SIPA1L3: variants seen among roughly 807,000 people sequenced by gnomAD.
The protein encoded by SIPA1L3 is signal induced proliferation associated 1 like 3.
A neutral mutation model predicts 150.1 loss-of-function variants in SIPA1L3; 59 were observed. That is an observed-to-expected ratio of 0.39 (90% CI 0.32 to 0.49). SIPA1L3 has a LOEUF of 0.49. Among genes scored for constraint, SIPA1L3 ranks in the 20% least tolerant of loss-of-function variants. The probability of loss-of-function intolerance (pLI) is 0.86; values close to 1 mark genes in which losing one functional copy is unlikely to be tolerated. For missense variants in SIPA1L3, 2,211 were observed against 2,489.5 expected (o/e 0.89, Z 2.38); for synonymous variants, 1,070 against 1,077.6 (o/e 0.99, Z 0.14).
intron 1 of SIPA1L3, among the ~76,000 whole-genome samples, chr19:37,983,938 A>G (rs1967270265): frequency 6.6e-6 from 1 of 151,062 alleles, no homozygotes; most frequent in Non-Finnish European, 1.5e-5. Context: ...ATTGCTCAGC[A>G]CTGATGAGGA....
At chr19:38,017,597 T>G (rs2145694010) in intron 1 of SIPA1L3, among the ~76,000 whole-genome samples, 1 of 151,708 alleles carries the variant, frequency 6.6e-6, no homozygotes, top group African/African-American at 2.4e-5. Flanking sequence ...TCATCATAGC[T>G]TACTGCAGTC....
chr19:37,939,926 C>T (rs1415286595), intron 1 of SIPA1L3, among the ~76,000 whole-genome samples: 1 of 152,130 alleles, frequency 6.6e-6, no homozygotes, highest in Admixed American at 6.6e-5. Context: ...TGATGCCCTC[C>T]CCACTTTTGG....
chr19:38,125,737 C>G (rs1242469947), intron 9 of SIPA1L3, among the ~76,000 whole-genome samples: 1 of 152,236 alleles, frequency 6.6e-6, no homozygotes, highest in Non-Finnish European at 1.5e-5. Flanking sequence ...CCCAGACATC[C>G]TGAACTAACG....
At chr19:38,112,197 AC>A (rs1970778764) in intron 8 of SIPA1L3, among the ~76,000 whole-genome samples, 1 of 151,148 alleles carries the variant, frequency 6.6e-6, no homozygotes, top group South Asian at 2.1e-4. Context: ...ATGCACTCAC[AC>A]AGGCACGCAT....
At chr19:37,945,880 C>T (rs375568511) in intron 1 of SIPA1L3, among the ~76,000 whole-genome samples, 4 of 151,756 alleles carry the variant, frequency 2.6e-5, no homozygotes, top group Non-Finnish European at 4.4e-5. Context: ...TGTGGCTGGG[C>T]GTGGTGGCTC....
intron 1 of SIPA1L3, among the ~76,000 whole-genome samples, chr19:37,921,291 C>T (rs1464199729): frequency 6.6e-6 from 1 of 152,188 alleles, no homozygotes; most frequent in Non-Finnish European, 1.5e-5. Context: ...GGAACAACAG[C>T]ACATGAGTAT....
intron 6 of SIPA1L3, among the ~76,000 whole-genome samples, chr19:38,105,044 C>G (rs1215479918): frequency 6.6e-6 from 1 of 151,954 alleles, no homozygotes; most frequent in Admixed American, 6.6e-5. Context: ...GACACTGAGG[C>G]AGCATTGAAT....
chr19:37,940,531 A>G (rs938595379), intron 1 of SIPA1L3, among the ~76,000 whole-genome samples: 1 of 152,154 alleles, frequency 6.6e-6, no homozygotes, highest in African/African-American at 2.4e-5. Flanking sequence ...ATCTCAGATC[A>G]TCTCATAAAT....
chr19:37,971,865 C>G (rs1378674150), intron 1 of SIPA1L3, among the ~76,000 whole-genome samples: 1 of 152,010 alleles, frequency 6.6e-6, no homozygotes, highest in African/African-American at 2.4e-5. Context: ...TCACGCCCGG[C>G]CTGAGTGTCA....
At chr19:38,192,098 G>A in intron 16 of SIPA1L3, 47 bp from the exon 17 acceptor site, 1 of 1,531,260 alleles carries the variant, frequency 6.5e-7, no homozygotes, top group South Asian at 1.3e-5. Flanking sequence ...TTGAAAAGTG[G>A]CTTGAGCCTC....
intron 16 of SIPA1L3, among the ~76,000 whole-genome samples, chr19:38,191,799 A>G (rs375266164): frequency 3.7e-4 from 56 of 152,256 alleles, no homozygotes; most frequent in African/African-American, 1.3e-3. Flanking sequence ...TGACAGGGCA[A>G]GACTCCATCT....
chr19:38,051,405 G>A (rs560461514), intron 2 of SIPA1L3, among the ~76,000 whole-genome samples: 2 of 152,178 alleles, frequency 1.3e-5, no homozygotes, highest in Non-Finnish European at 2.9e-5. Context: ...GGGGAGCCTC[G>A]TCCAAGAAGC....
intron 2 of SIPA1L3, among the ~76,000 whole-genome samples, chr19:38,067,274 A>G (rs1257652951): frequency 6.6e-6 from 1 of 152,130 alleles, no homozygotes; most frequent in Non-Finnish European, 1.5e-5. Context: ...CTATTCCCCC[A>G]AGGGGAGAAA....
chr19:38,044,453 G>A (rs1969004020), intron 2 of SIPA1L3, among the ~76,000 whole-genome samples: 1 of 152,164 alleles, frequency 6.6e-6, no homozygotes, highest in South Asian at 2.1e-4. Flanking sequence ...GGGAGTGCCA[G>A]TGAGGAGGGA....
intron 1 of SIPA1L3, among the ~76,000 whole-genome samples, chr19:37,955,717 C>G (rs1476152222): frequency 2.0e-5 from 3 of 152,048 alleles, no homozygotes; most frequent in African/African-American, 7.2e-5. Flanking sequence ...TTCATTTGTT[C>G]TTATTGCTGA....
chr19:37,981,539 T>G (rs1319010874), intron 1 of SIPA1L3, among the ~76,000 whole-genome samples: 1 of 152,192 alleles, frequency 6.6e-6, no homozygotes, highest in Non-Finnish European at 1.5e-5. Flanking sequence ...TTTTTGTCAC[T>G]TGCAAATGAA....
rs1210174783 is a variant in SIPA1L3, at chr19:38,082,196, C to A, written c.631C>A (p.Gln211Lys). Residue 211 changes from glutamine to lysine, a missense_variant, in exon 3 of 22, where the codon CAG (glutamine) becomes AAG (lysine). Physicochemically the swap from Gln to Lys is moderately conservative, Grantham distance 53. Transcript: ENST00000222345. ...EYGSTSSIDV[Q>K]GMPEQSFFDI... ...CGGGAGCACCTCGTCCATCGACGTG[C>A]AGGGCATGCCCGAGCAGAGCTTCTT... The A allele has an allele frequency of 6.2e-7, 1 of 1,603,728 alleles. No homozygotes were observed. Among genetic ancestry groups the A allele is most frequent in the East Asian group, 2.2e-5 (1 of 44,864 alleles).
chr19:37,957,742 G>C (rs978851128), intron 1 of SIPA1L3, among the ~76,000 whole-genome samples: 1 of 151,878 alleles, frequency 6.6e-6, no homozygotes, highest in Admixed American at 6.6e-5. Flanking sequence ...TTGAGACAGA[G>C]TCTTCTGTTG....
At chr19:38,065,697 C>T (rs1568529239) in intron 2 of SIPA1L3, among the ~76,000 whole-genome samples, 1 of 151,986 alleles carries the variant, frequency 6.6e-6, no homozygotes, top group African/African-American at 2.4e-5. Flanking sequence ...GCTGGGATTA[C>T]AGGCGTGATG....
Sources: gnomAD v4.1 joint callset for allele counts (sites outside exome capture counted in the v4.1 genomes callset) on GRCh38, gnomAD v4.1.1 for gene constraint, MANE v1.5 for transcripts, NCBI Gene and HGNC (gene_info 2026-07-23, HGNC 2026-07-21) for gene names.